SMAD4: variants seen among roughly 807,000 people sequenced by gnomAD.
SMAD4 encodes the protein MAD homolog 4.
A neutral mutation model predicts 63.2 loss-of-function variants in SMAD4; 7 were observed. The observed-to-expected ratio is 0.11, with a 90% confidence interval of 0.06 to 0.21. The LOEUF (loss-of-function observed/expected upper bound fraction) is 0.21. Among genes scored for constraint, SMAD4 ranks in the 10% least tolerant of loss-of-function variants. The probability of loss-of-function intolerance (pLI) is 1.00; values close to 1 mark genes in which losing one functional copy is unlikely to be tolerated. For missense variants in SMAD4, 312 were observed against 693.8 expected, an observed-to-expected ratio of 0.45 and a Z score of 6.18; for synonymous variants, 215 against 235.4, an observed-to-expected ratio of 0.91 and a Z score of 0.79.
chr18:51,079,758 TA>T lies in SMAD4; in HGVS notation c.*1295del, dbSNP rs1046245320. The T allele has an allele frequency of 2.1e-5, 5 of 233,212 alleles. No individual in the cohort carries two copies. The highest frequency in any genetic ancestry group is 2.5e-5 in the Non-Finnish European group (3 of 117,852). The allele number at this position is 233,212 out of a possible 1,614,324, so 14.4% of individuals were successfully genotyped here. On this transcript the variant is annotated 3_prime_UTR_variant, in exon 12 of 12. Transcript: ENST00000342988. Reference sequence around the variant, plus strand: ...CTTTTTACCTAGCTGGTAGCATAAATAAAACTGAATCTCAACATACAAAGTT... The same window carrying T: ...CTTTTTACCTAGCTGGTAGCATAAATAAACTGAATCTCAACATACAAAGTT...
chr18:51,040,749 G>C (rs955195486), intron 1 of SMAD4, among the ~76,000 whole-genome samples: 1 of 152,140 alleles, frequency 6.6e-6, no homozygotes, highest in Non-Finnish European at 1.5e-5. Context: ...TAATAGCAAG[G>C]CTAGAGGAAA....
intron 1 of SMAD4, among the ~76,000 whole-genome samples, chr18:51,036,384 T>C (rs576761089): frequency 3.3e-5 from 5 of 152,228 alleles, no homozygotes; most frequent in Admixed American, 6.5e-5. Flanking sequence ...TAGTGAATTC[T>C]AGAGCATATG....
intron 4 of SMAD4, 46 bp downstream of exon 4, chr18:51,049,370 C>G (rs770463358): frequency 6.8e-7 from 1 of 1,463,486 alleles, no homozygotes; most frequent in Non-Finnish European, 9.6e-7. Context: ...TTGTCCTATC[C>G]TCTCTGTTTT....
intron 10 of SMAD4, among the ~76,000 whole-genome samples, chr18:51,074,437 T>G (rs1197432372): frequency 1.3e-5 from 2 of 152,158 alleles, no homozygotes; most frequent in Non-Finnish European, 2.9e-5. Flanking sequence ...GAAAAGGTGT[T>G]CAGCATCATA....
At chr18:51,036,927 G>A (rs1438494728) in intron 1 of SMAD4, among the ~76,000 whole-genome samples, 1 of 152,188 alleles carries the variant, frequency 6.6e-6, no homozygotes, top group African/African-American at 2.4e-5. Context: ...GGAGGCCAAG[G>A]GGGGTGCGGA....
In SMAD4 at chr18:51,060,995, T is replaced by A. The variant is rs767779155; in HGVS notation, c.955+1079T>A. On this transcript the variant is annotated intron_variant, in intron 8 of 11. Transcript: ENST00000342988. ...CTCAAGTGATCCTCCTGTCTTAGCC[T>A]CCCAAAGTGCTGGGATTATAGACGT... Among the ~76,000 whole-genome samples, 415 of 152,182 alleles carry A rather than the reference T, an allele frequency of 2.7e-3. 3 individuals carry two copies. Among genetic ancestry groups the A allele is most frequent in the African/African-American group, 6.9e-3 (285 of 41,512 alleles).
intron 5 of SMAD4, 75 bp downstream of exon 5, chr18:51,055,068 G>A: frequency 9.3e-7 from 1 of 1,075,256 alleles, no homozygotes; most frequent in East Asian, 2.4e-5. Context: ...AGTCACTTGG[G>A]GGGAAACTCC....
At chr18:51,046,460 C>G (rs1403843514) in intron 1 of SMAD4, among the ~76,000 whole-genome samples, 1 of 139,632 alleles carries the variant, frequency 7.2e-6, no homozygotes, top group Non-Finnish European at 1.5e-5. Context: ...TTTAATTGGT[C>G]TCTTTTAACA....
rs1568206153 is a variant in SMAD4, at chr18:51,058,347, T to C, written c.795T>C (p.Thr265=). Residue 265 remains threonine (T), a synonymous_variant, in exon 7 of 12, where the codon ACT becomes ACC. Coordinates refer to ENST00000342988, the MANE Select transcript of SMAD4 (RefSeq NM_005359.6). ...GQPATYHHNS[T]TTWTGSRTAP... is the part of the protein sequence containing the mutation. The stretch of plus-strand genomic sequence containing the variant: ...GTGGGCCTTAATTTTTAGACAGCAC[T>C]ACCACCTGGACTGGAAGTAGGACTG... 1 of 1,614,098 alleles carries C rather than the reference T, an allele frequency of 6.2e-7. No homozygotes were observed. Among genetic ancestry groups the C allele is most frequent in the East Asian group, 2.2e-5 (1 of 44,888 alleles).
At chr18:51,039,497 A>AC (rs1210992386) in intron 1 of SMAD4, among the ~76,000 whole-genome samples, 37 of 91,380 alleles carry the variant, frequency 4.0e-4, no homozygotes, top group African/African-American at 1.1e-3. Flanking sequence ...CCACCCCCCC[A>AC]CCCCCCCACC....
At chr18:51,041,332 C>T (rs960731104) in intron 1 of SMAD4, among the ~76,000 whole-genome samples, 23 of 152,300 alleles carry the variant, frequency 1.5e-4, no homozygotes, top group South Asian at 6.2e-4. Context: ...TACTATTCTA[C>T]CAATATTCTG....
In SMAD4 at chr18:51,047,266, A is replaced by G. The variant is rs772506979; in HGVS notation, c.220A>G (p.Ile74Val). Residue 74 changes from isoleucine (I) to valine (V), a missense_variant, in exon 2 of 12, where the codon ATA (isoleucine) becomes GTA (valine). Ile to Val is a conservative substitution (Grantham distance 29). Coordinates refer to ENST00000342988, the MANE Select transcript of SMAD4 (RefSeq NM_005359.6). ...NGAHPSKCVT[I>V]QRTLDGRLQV... ...AGCTCATCCTAGTAAATGTGTTACC[A>G]TACAGAGAACATTGGATGGGAGGCT... 6.2e-7 allele frequency: 1 copy of G among 1,613,956 alleles called. No individual in the cohort carries two copies. Among genetic ancestry groups the G allele is most frequent in the Non-Finnish European group, 8.5e-7 (1 of 1,179,846 alleles).
chr18:51,047,330 G>A (rs1204187475), intron 2 of SMAD4, 35 bp downstream of exon 2: 3 of 1,602,250 alleles, frequency 1.9e-6, no homozygotes, highest in African/African-American at 1.3e-5. Context: ...TACCCTCTAT[G>A]GTGGCAGATT....
intron 11 of SMAD4, 146 bp downstream of exon 11, chr18:51,076,922 G>C: frequency 1.6e-6 from 1 of 615,950 alleles, no homozygotes; most frequent in Non-Finnish European, 2.8e-6. Flanking sequence ...GGTAAAATCT[G>C]TTCTTCTGTA....
chr18:51,040,409 G>T (rs1185788931), intron 1 of SMAD4, among the ~76,000 whole-genome samples: 8 of 143,452 alleles, frequency 5.6e-5, no homozygotes, highest in Non-Finnish European at 1.2e-4. Context: ...GGGCCACAGT[G>T]AAACTCTGTC....
intron 5 of SMAD4, among the ~76,000 whole-genome samples, chr18:51,057,321 T>A (rs1211756057): frequency 6.6e-6 from 1 of 150,540 alleles, no homozygotes; most frequent in African/African-American, 2.4e-5. Context: ...ATTTCCACTT[T>A]AAAAAAAAAG....
At chr18:51,058,719 G>GT (rs1336679260) in intron 7 of SMAD4, among the ~76,000 whole-genome samples, 1 of 151,916 alleles carries the variant, frequency 6.6e-6, no homozygotes, top group Non-Finnish European at 1.5e-5. Context: ...CCATTCATTT[G>GT]TTTGTTTGCT....
chr18:51,064,006 T>C (rs1910084961), intron 8 of SMAD4, among the ~76,000 whole-genome samples: 2 of 152,170 alleles, frequency 1.3e-5, no homozygotes, highest in Admixed American at 6.5e-5. Context: ...ACAAGTTGTT[T>C]TCTTTTAAAA....
chr18:51,045,210 C>T (rs1436715927), intron 1 of SMAD4, among the ~76,000 whole-genome samples: 1 of 152,120 alleles, frequency 6.6e-6, no homozygotes, highest in Non-Finnish European at 1.5e-5. Context: ...CAAAGCTTCC[C>T]AAGGCTAGGT....
Sources: gnomAD v4.1 joint callset for allele counts (sites outside exome capture counted in the v4.1 genomes callset) on GRCh38, gnomAD v4.1.1 for gene constraint, MANE v1.5 for transcripts, NCBI Gene and HGNC (gene_info 2026-07-23, HGNC 2026-07-21) for gene names.